The following ZNF185 variants were observed in gnomAD, a reference collection of about 807,000 sequenced individuals.
The protein encoded by ZNF185 is zinc finger protein 185.
ZNF185 carries 56 observed loss-of-function variants against 58.6 expected under a neutral mutation model. The observed-to-expected ratio is 0.95, with a 90% CI of 0.77 to 1.19. ZNF185 has a LOEUF of 1.19. ZNF185 is among the 50% of genes most tolerant of loss of function. The pLI is 0.00. For synonymous variants in ZNF185, 230 were observed against 215.9 expected (o/e 1.07, Z -0.57); for missense variants, 627 against 573.5 (o/e 1.09, Z -0.95).
At chrX:152,958,906 C>T (rs1393829948) in intron 16 of ZNF185, among the ~76,000 whole-genome samples, 1 of 112,387 alleles carries the variant, frequency 8.9e-6, no homozygotes, top group African/African-American at 3.2e-5. Flanking sequence ...GGCCGGGGTG[C>T]GGCCGGCGTG....
At chrX:152,946,227 C>T (rs1403416633) in intron 16 of ZNF185, among the ~76,000 whole-genome samples, 1 of 112,014 alleles carries the variant, frequency 8.9e-6, no homozygotes, top group Admixed American at 9.4e-5. Flanking sequence ...CATATTGCCC[C>T]GAGAGAGGAG....
At chrX:152,908,985 C>T in the ZNF185 span, among the ~76,000 whole-genome samples, 1 of 113,224 alleles carries the variant, frequency 8.8e-6, no homozygotes, top group Non-Finnish European at 1.9e-5. Context: ...TCCCAGAGGA[C>T]GGCATGGTTC....
intron 15 of ZNF185, among the ~76,000 whole-genome samples, chrX:152,938,794 C>T (rs1397092636): frequency 9.1e-6 from 1 of 109,326 alleles, no homozygotes; most frequent in South Asian, 4.0e-4. Flanking sequence ...GGTCTCTGTG[C>T]CTCCTGGGAA....
At chrX:152,973,179 G>A (rs1321504938) in exon 23 of ZNF185, 1 of 112,057 alleles carries the variant, frequency 8.9e-6, no homozygotes, top group Non-Finnish European at 1.9e-5. Context: ...TGCAGGACCA[G>A]TGGATGAAAG....
At chrX:152,909,225 C>A in the ZNF185 span, among the ~76,000 whole-genome samples, 1 of 112,660 alleles carries the variant, frequency 8.9e-6, no homozygotes, top group Non-Finnish European at 1.9e-5. Context: ...ATCTGCCAGG[C>A]CTCTGTGGTG....
chrX:152,931,744 G>C (rs781914204), exon 13 of ZNF185: 1 of 1,210,062 alleles, frequency 8.3e-7, no homozygotes, highest in Non-Finnish European at 1.1e-6. Flanking sequence ...CTGGTGAGGA[G>C]GCTTTCAGGG....
chrX:152,904,412 G>A, the ZNF185 span, among the ~76,000 whole-genome samples: 1 of 112,855 alleles, frequency 8.9e-6, no homozygotes, highest in Non-Finnish European at 1.9e-5. Context: ...CCTTCCCAGA[G>A]GAAAGCAACC....
chrX:152,930,816 A>G, intron 12 of ZNF185, among the ~76,000 whole-genome samples: 1 of 111,371 alleles, frequency 9.0e-6, no homozygotes, highest in Non-Finnish European at 1.9e-5. Context: ...GGTCAGCAGT[A>G]CTGAATGGTG....
Position 152,936,560 on chromosome X carries a change from C to G in ZNF185, c.1122-1514C>G, listed in dbSNP as rs1556882017. 1.2e-5 allele frequency: 13 copies of G among 1,094,734 alleles called. No homozygotes were observed. In the South Asian group the frequency reaches 2.6e-4, roughly 22 times the overall value. 90.2% of individuals were successfully genotyped at this position (1,094,734 alleles called of 1,213,427 possible). On this transcript the variant is annotated intron_variant, in intron 14 of 22. Coordinates refer to ENST00000449285, the Ensembl canonical transcript of ZNF185. ...TAGTGCCCTATCCCATTGCCAGACA[C>G]AGCCTTTGGGGCCCAGCCTCAGCTG...
At chrX:152,949,738 C>T (rs1014964780) in intron 16 of ZNF185, among the ~76,000 whole-genome samples, 5 of 111,268 alleles carry the variant, frequency 4.5e-5, no homozygotes, top group African/African-American at 6.5e-5. Context: ...ATGTAGGCAA[C>T]GATAGTAGCA....
At chrX:152,949,920 G>A (rs2048137872) in intron 16 of ZNF185, among the ~76,000 whole-genome samples, 1 of 111,808 alleles carries the variant, frequency 8.9e-6, no homozygotes, top group Non-Finnish European at 1.9e-5. Context: ...AGCACGAGAG[G>A]ACCAGAGGAC....
the ZNF185 span, among the ~76,000 whole-genome samples, chrX:152,898,661 C>G: frequency 1.8e-5 from 2 of 112,641 alleles, no homozygotes; most frequent in Non-Finnish European, 3.8e-5. Flanking sequence ...GCTGGCTCAC[C>G]CAGAGGATCC....
intron 9 of ZNF185, 56 bp from the exon 11 acceptor site, chrX:152,922,117 C>T (rs1273673695): frequency 2.6e-6 from 3 of 1,133,635 alleles, no homozygotes; most frequent in Non-Finnish European, 3.6e-6. Context: ...TTTGAGGCCT[C>T]CAAGCTCTAG....
intron 14 of ZNF185, among the ~76,000 whole-genome samples, chrX:152,934,005 C>T (rs920462962): frequency 8.9e-6 from 1 of 112,838 alleles, no homozygotes; most frequent in African/African-American, 3.2e-5. Context: ...GAGAGGCCAC[C>T]AGAGACTCTG....
exon 23 of ZNF185, chrX:152,972,457 C>T (rs919664361): frequency 9.1e-6 from 1 of 110,310 alleles, no homozygotes; most frequent in African/African-American, 3.3e-5. Context: ...ATTATCCCCC[C>T]CCCCATGAAG....
At chrX:152,917,347 A>G (rs1181675534) in exon 5 of ZNF185, 3 of 1,210,297 alleles carry the variant, frequency 2.5e-6, no homozygotes, top group African/African-American at 3.5e-5. Context: ...CCCAAGGCCA[A>G]CGGGACTCCA....
chrX:152,969,921 T>C (rs183690489), intron 21 of ZNF185, among the ~76,000 whole-genome samples: 4 of 112,232 alleles, frequency 3.6e-5, no homozygotes, highest in African/African-American at 1.3e-4. Flanking sequence ...TTCTCCACAG[T>C]GTGTGGCACT....
chrX:152,941,677 C>T (rs2047204335), intron 15 of ZNF185: 1 of 1,162,860 alleles, frequency 8.6e-7, no homozygotes, highest in Non-Finnish European at 1.1e-6. Flanking sequence ...TCGCAGTGCC[C>T]GCCGGGAAAA....
the ZNF185 span, among the ~76,000 whole-genome samples, chrX:152,901,528 C>T: frequency 9.0e-6 from 1 of 110,711 alleles, no homozygotes; most frequent in Non-Finnish European, 1.9e-5. Flanking sequence ...TATCTGAATT[C>T]CCGCTATTAA....
Sources: gnomAD v4.1 joint callset for allele counts (sites outside exome capture counted in the v4.1 genomes callset) on GRCh38, gnomAD v4.1.1 for gene constraint, MANE v1.5 for transcripts, NCBI Gene and HGNC (gene_info 2026-07-23, HGNC 2026-07-21) for gene names.